The following NFKBIZ variants were observed in gnomAD, a reference collection of about 807,000 sequenced individuals.
The protein encoded by NFKBIZ is NFKB inhibitor zeta.
In NFKBIZ, 19 loss-of-function variants were observed where a neutral mutation model predicts 76.8. That is an observed-to-expected ratio of 0.25 (90% CI 0.17 to 0.36). NFKBIZ has a LOEUF of 0.36. Among genes scored for constraint, NFKBIZ ranks in the 10% least tolerant of loss-of-function variants. The pLI is 1.00. For synonymous variants in NFKBIZ, 368 were observed against 354.8 expected, an observed-to-expected ratio of 1.04 and a Z score of -0.42; for missense variants, 829 against 910.9, an observed-to-expected ratio of 0.91 and a Z score of 1.16.
chr3:101,857,129 A>G lies in NFKBIZ; in HGVS notation c.1881A>G (p.Glu627=), dbSNP rs1199047484. 1 of 1,613,616 alleles carries G rather than the reference A, an allele frequency of 6.2e-7. No individual in the cohort carries two copies. The highest frequency in any genetic ancestry group is 8.5e-7 in the Non-Finnish European group (1 of 1,179,918). The change falls in exon 10 of 12, where the codon GAA becomes GAG. Residue 627 remains glutamate (E), a synonymous_variant. Transcript: ENST00000326172. The part of the protein sequence containing the change: ...LHLAAEEANL[E]LIRLFLELPS... ...TGGCAGCTGAAGAAGCAAATCTGGAACTCATTCGCCTCTTTTTGGAGCTGC... is the reference window on the plus strand; with the variant it reads ...TGGCAGCTGAAGAAGCAAATCTGGAGCTCATTCGCCTCTTTTTGGAGCTGC...
At position 101,857,439 on chromosome 3, in the gene NFKBIZ, G is replaced by A; in HGVS notation, c.2083G>A (p.Asp695Asn). ...CGAACAGCCAGTGCATTTGGTTCCC[G>A]ATGGCCCTGTGGGAGAACAGGTGAG... is the stretch of plus-strand genomic sequence containing the variant. ...ENEQPVHLVPDGPVGEQIRRI... is the reference protein window; with the variant it reads ...ENEQPVHLVPNGPVGEQIRRI... The change falls in exon 11 of 12, where the codon GAT becomes AAT. Residue 695 changes from aspartate to asparagine, a missense_variant. By Grantham distance (23) the Asp-to-Asn change is conservative. This residue lies in a region of NFKBIZ where 272 missense variants were observed against 384.2 expected (regional missense o/e 0.71). Coordinates refer to ENST00000326172, the MANE Select transcript of NFKBIZ (RefSeq NM_031419.4). The A allele has an allele frequency of 1.9e-6, 3 of 1,614,140 alleles. No homozygotes were observed. The highest frequency in any genetic ancestry group is 2.5e-6 in the Non-Finnish European group (3 of 1,180,026).
intron 1 of NFKBIZ, 77 bp from the exon 2 acceptor site, chr3:101,852,008 C>G (rs1332906446): frequency 1.2e-5 from 19 of 1,540,328 alleles, no homozygotes; most frequent in Non-Finnish European, 1.7e-5. Context: ...TAGGCAACAG[C>G]TATACTTTTG....
At chr3:101,839,667 A>C (rs557689977) in intron 2 of NFKBIZ, among the ~76,000 whole-genome samples, 1 of 152,196 alleles carries the variant, frequency 6.6e-6, no homozygotes, top group Non-Finnish European at 1.5e-5. Context: ...CAAACCTCAT[A>C]CAAAGGAATG....
At chr3:101,835,438 A>G (rs754905319) in intron 2 of NFKBIZ, among the ~76,000 whole-genome samples, 3 of 152,210 alleles carry the variant, frequency 2.0e-5, no homozygotes, top group Non-Finnish European at 4.4e-5. Flanking sequence ...CCGTAACACA[A>G]TACCACAGGC....
In NFKBIZ at chr3:101,855,200, G is replaced by A; in HGVS notation, c.1582G>A (p.Val528Met). ...HVCAEKGHSQ[V>M]LQAIQKGAVG... ...GTGTGCTGAGAAGGGCCACTCCCAG[G>A]TGCTTCAGGTAAGAGGCAGCAAACC... Residue 528 changes from valine to methionine, a missense_variant, in exon 7 of 12, where the codon GTG becomes ATG. By Grantham distance (21) the Val-to-Met change is conservative. Transcript: ENST00000326172. 1.2e-6 allele frequency: 2 copies of A among 1,608,108 alleles called. No individual in the cohort carries two copies. Among genetic ancestry groups the A allele is most frequent in the Non-Finnish European group, 1.7e-6 (2 of 1,177,518 alleles).
chr3:101,828,562 G>C (rs185094219), intron 1 of NFKBIZ, among the ~76,000 whole-genome samples: 1 of 152,150 alleles, frequency 6.6e-6, no homozygotes, highest in Non-Finnish European at 1.5e-5. Flanking sequence ...TTGATGTGTG[G>C]GTTTAGAGGA....
At chr3:101,835,117 G>A (rs989996180) in intron 2 of NFKBIZ, among the ~76,000 whole-genome samples, 3 of 152,184 alleles carry the variant, frequency 2.0e-5, no homozygotes, top group Admixed American at 6.5e-5. Context: ...ACACTACCAC[G>A]TTTAACCTAC....
At chr3:101,830,072 G>A (rs1942628066) in intron 2 of NFKBIZ, among the ~76,000 whole-genome samples, 1 of 152,148 alleles carries the variant, frequency 6.6e-6, no homozygotes, top group Admixed American at 6.5e-5. Context: ...CAGTTTTGGT[G>A]AAGAGGCTCC....
chr3:101,848,678 C>G (rs1333823782), upstream of NFKBIZ, among the ~76,000 whole-genome samples: 1 of 152,206 alleles, frequency 6.6e-6, no homozygotes, highest in African/African-American at 2.4e-5. Flanking sequence ...GTTAGTTTAT[C>G]AGATAGTGTA....
Position 101,853,087 on chromosome 3 carries a change from C to T in NFKBIZ, c.565-4C>T, listed in dbSNP as rs188729931. 3 of 1,612,290 alleles carry T rather than the reference C, an allele frequency of 1.9e-6. No homozygotes were observed. The highest frequency in any genetic ancestry group is 3.3e-5 in the Admixed American group (2 of 59,976). The stretch of plus-strand genomic sequence containing the variant: ...TGTGCAAGTTGCATTTTCCTTCTTT[C>T]CAGACACCACCTCAAACACCAACGC... On this transcript the variant is annotated splice_region_variant and splice_polypyrimidine_tract_variant and intron_variant, in intron 4 of 11. Transcript: ENST00000326172.
At chr3:101,830,738 A>G (rs1388854464) in intron 2 of NFKBIZ, among the ~76,000 whole-genome samples, 2 of 152,098 alleles carry the variant, frequency 1.3e-5, no homozygotes, top group African/African-American at 4.8e-5. Context: ...ATGGGCATCT[A>G]GGTTGATTCC....
At chr3:101,850,538 G>C (rs1942938701) in intron 1 of NFKBIZ, 1 of 152,150 alleles carries the variant, frequency 6.6e-6, no homozygotes, top group South Asian at 2.1e-4. Context: ...TAAAAAAAAT[G>C]GATAAGCCAT....
chr3:101,849,567 C>T lies in NFKBIZ; in HGVS notation c.-62C>T. 2.3e-6 allele frequency: 3 copies of T among 1,280,094 alleles called. No homozygotes were observed. Among genetic ancestry groups the T allele is most frequent in the South Asian group, 2.4e-5 (1 of 41,944 alleles). The allele number at this position is 1,280,094 out of a possible 1,614,324, so 79.3% of individuals were successfully genotyped here. On this transcript the variant is annotated 5_prime_UTR_variant, in exon 1 of 12. Coordinates refer to ENST00000326172, the MANE Select transcript of NFKBIZ (RefSeq NM_031419.4). ...CAGCTCCCTGAGCCAGCCCGGGAGGCAGCCGCGCGCAGCGAGCCGGTGGCG... is the reference window on the plus strand; with the variant it reads ...CAGCTCCCTGAGCCAGCCCGGGAGGTAGCCGCGCGCAGCGAGCCGGTGGCG...
chr3:101,833,370 TC>T (rs1427345020), intron 2 of NFKBIZ, among the ~76,000 whole-genome samples: 3 of 152,224 alleles, frequency 2.0e-5, no homozygotes, highest in Non-Finnish European at 4.4e-5. Context: ...CCACACCCAT[TC>T]CCTCACCTCT....
At chr3:101,852,633 A>G in intron 2 of NFKBIZ, 105 bp from the exon 3 acceptor site, 1 of 740,324 alleles carries the variant, frequency 1.4e-6, no homozygotes, top group East Asian at 2.6e-5. Context: ...CATATCAGAG[A>G]TTTATGGTAA....
intron 2 of NFKBIZ, among the ~76,000 whole-genome samples, chr3:101,834,613 A>G (rs538483942): frequency 6.0e-4 from 91 of 152,304 alleles, no homozygotes; most frequent in African/African-American, 2.0e-3. Context: ...CACCCGCCTC[A>G]GCCTCCCAAA....
Position 101,852,082 on chromosome 3 carries a change from C to T in NFKBIZ, c.290-3C>T. 6.2e-7 allele frequency: 1 copy of T among 1,607,536 alleles called. No homozygotes were observed. The highest frequency in any genetic ancestry group is 8.5e-7 in the Non-Finnish European group (1 of 1,178,332). On this transcript the variant is annotated splice_polypyrimidine_tract_variant and splice_region_variant and intron_variant, in intron 1 of 11. Coordinates refer to ENST00000326172, the MANE Select transcript of NFKBIZ (RefSeq NM_031419.4). The stretch of plus-strand genomic sequence containing the variant: ...GGAATATGTTTTGTTTTCTTTTGAA[C>T]AGTTGAGCCCCATATGGGGGTTGGC...
rs1047570022 is a variant in NFKBIZ, at chr3:101,857,503, G to A, written c.2103+44G>A. On this transcript the variant is annotated intron_variant, in intron 11 of 11. Coordinates refer to ENST00000326172, the MANE Select transcript of NFKBIZ (RefSeq NM_031419.4). Reference sequence around the variant, plus strand: ...AGAGGAAGTATTTTTTGGCACTGCAGTCTGAAACAGAAAGGGAGATGAGGC... The same window carrying A: ...AGAGGAAGTATTTTTTGGCACTGCAATCTGAAACAGAAAGGGAGATGAGGC... 13 of 1,609,982 alleles carry A rather than the reference G, an allele frequency of 8.1e-6. No homozygotes were observed. In the Admixed American group the frequency reaches 1.0e-4, roughly 12 times the overall value.
chr3:101,856,214 C>A (rs1943047534), intron 9 of NFKBIZ, among the ~76,000 whole-genome samples: 1 of 152,082 alleles, frequency 6.6e-6, no homozygotes, highest in African/African-American at 2.4e-5. Flanking sequence ...CCACACCCAG[C>A]TAATTTTTTG....
Sources: gnomAD v4.1 joint callset for allele counts (sites outside exome capture counted in the v4.1 genomes callset) on GRCh38, gnomAD v4.1.1 for gene constraint, gnomAD v4.1.1 regional missense constraint, MANE v1.5 for transcripts, NCBI Gene and HGNC (gene_info 2026-07-23, HGNC 2026-07-21) for gene names.